The following SLC22A16 variants were observed in gnomAD, a reference collection of about 807,000 sequenced individuals.
SLC22A16 encodes WUGSC:RG331P03.1.
In SLC22A16, 53 loss-of-function variants were observed where a neutral mutation model predicts 52.9. That is an observed-to-expected ratio of 1.00 (90% CI 0.80 to 1.26). The LOEUF (loss-of-function observed/expected upper bound fraction) is 1.26, where lower values mean the gene tolerates loss of function less well. Among genes scored for constraint, SLC22A16 ranks in the 50% most tolerant of loss-of-function variants. SLC22A16 has a pLI of 0.00. For missense variants in SLC22A16, 726 were observed against 704.0 expected, an observed-to-expected ratio of 1.03 and a Z score of -0.35; for synonymous variants, 291 against 268.8, an observed-to-expected ratio of 1.08 and a Z score of -0.81.
At position 110,476,223 on chromosome 6, in the gene SLC22A16, T is replaced by TGG. The variant is rs1450629028; in HGVS notation, c.53+298_53+299insCC. 6.8e-5 allele frequency: 49 copies of TGG among 721,860 alleles called. 3 individuals carry two copies. The highest frequency in any genetic ancestry group is 4.7e-4 in the Middle Eastern group (1 of 2,108). 44.7% of individuals were successfully genotyped at this position (721,860 alleles called of 1,614,324 possible). A position where few individuals can be genotyped will look rare whatever the true frequency, so the allele number is the denominator to read the frequency against. On this transcript the variant is annotated intron_variant, in intron 1 of 7. Coordinates refer to ENST00000368919, the MANE Select transcript of SLC22A16 (RefSeq NM_033125.4). Reference sequence around the variant, plus strand: ...CCCTCGAGCCAGATCTCCAGCCAGATGCCTCCAGCATCTGCTGCCGCGGAG... The same window carrying TGG: ...CCCTCGAGCCAGATCTCCAGCCAGATGGGCCTCCAGCATCTGCTGCCGCGGAG...
At chr6:110,476,447 A>G (rs954548566) in intron 1 of SLC22A16, 75 bp downstream of exon 1, 2 of 1,425,380 alleles carry the variant, frequency 1.4e-6, no homozygotes, top group Non-Finnish European at 1.8e-6. Context: ...CCGCGCGAGA[A>G]CCCCGCCGCA....
chr6:110,429,147 AAAT>A (rs1318317913), intron 7 of SLC22A16, among the ~76,000 whole-genome samples: 2 of 152,060 alleles, frequency 1.3e-5, no homozygotes, highest in Non-Finnish European at 1.5e-5. Context: ...TTTTGAAAAA[AAAT>A]AATAAGGAAA....
At chr6:110,446,752 G>T in intron 3 of SLC22A16, 121 bp downstream of exon 3, 1 of 818,026 alleles carries the variant, frequency 1.2e-6, no homozygotes, top group South Asian at 1.7e-5. Flanking sequence ...CTTCTGCAGT[G>T]GAGTGGACAA....
Position 110,442,707 on chromosome 6 carries a change from T to C in SLC22A16, c.720A>G (p.Thr240=), listed in dbSNP as rs149847564. ...VMEFIGMKSR[T]WASVHLHSFF... is the part of the protein sequence containing the mutation. ...AGGAATGCAAATGGACAGACGCCCA[T>C]GTCCGAGACTTCATGCCAATGAATT... Residue 240 remains threonine (T), a synonymous_variant, in exon 4 of 8, where the codon ACA becomes ACG. Coordinates refer to ENST00000368919, the MANE Select transcript of SLC22A16 (RefSeq NM_033125.4). 63 of 1,614,124 alleles carry C rather than the reference T, an allele frequency of 3.9e-5. No individual in the cohort carries two copies. In the East Asian group the frequency reaches 9.6e-4, roughly 25 times the overall value.
intron 2 of SLC22A16, among the ~76,000 whole-genome samples, chr6:110,454,330 G>A (rs138641443): frequency 3.3e-5 from 5 of 151,658 alleles, no homozygotes; most frequent in Admixed American, 6.6e-5. Flanking sequence ...AAATTCCGCC[G>A]AGAGAATACA....
chr6:110,438,934 A>T lies in SLC22A16; in HGVS notation c.1184-87T>A, dbSNP rs145617529. The T allele has an allele frequency of 5.9e-5, 90 of 1,536,008 alleles. No homozygotes were observed. The East Asian group carries it at 2.0e-3, about 34-fold the overall frequency. On this transcript the variant is annotated intron_variant, in intron 4 of 7. Transcript: ENST00000368919. Reference sequence around the variant, plus strand: ...TCTTCTAACCCACTACCCAAAAGGCATGAGCAGCCCTCTCCTCACTTCTGG... The same window carrying T: ...TCTTCTAACCCACTACCCAAAAGGCTTGAGCAGCCCTCTCCTCACTTCTGG...
chr6:110,450,477 C>A (rs1395686164), intron 2 of SLC22A16, among the ~76,000 whole-genome samples: 2 of 151,778 alleles, frequency 1.3e-5, no homozygotes, highest in Non-Finnish European at 2.9e-5. Context: ...CCAGGCATGG[C>A]GGCACATGCC....
At chr6:110,457,106 C>A in intron 1 of SLC22A16, 89 bp from the exon 2 acceptor site, 2 of 1,267,396 alleles carry the variant, frequency 1.6e-6, no homozygotes, top group Non-Finnish European at 1.1e-6. Context: ...TCATGTTTAT[C>A]TTAACATATA....
chr6:110,446,065 A>G (rs1376585784), intron 3 of SLC22A16, among the ~76,000 whole-genome samples: 2 of 151,144 alleles, frequency 1.3e-5, no homozygotes, highest in Non-Finnish European at 2.9e-5. Flanking sequence ...GTGCAGAGAG[A>G]TTGAAGCCCT....
At chr6:110,467,293 A>T in intron 1 of SLC22A16, among the ~76,000 whole-genome samples, 1 of 149,700 alleles carries the variant, frequency 6.7e-6, no homozygotes, top group African/African-American at 2.5e-5. Flanking sequence ...TCCCATTCTC[A>T]CTCATTTATG....
At position 110,456,940 on chromosome 6, in the gene SLC22A16, A is replaced by G. The variant is rs1246863523; in HGVS notation, c.131T>C (p.Met44Thr). Residue 44 changes from methionine to threonine, a missense_variant, in exon 2 of 8, where the codon ATG (methionine) becomes ACG (threonine). Coordinates refer to ENST00000368919, the MANE Select transcript of SLC22A16 (RefSeq NM_033125.4). ...GCAGACATGATGAGGGGTGACTCCC[A>G]TGAACACAGAAGCCAAGTAGTGAAT... Reference protein sequence around the residue: ...CGIHYLASVFMGVTPHHVCRP... With the variant: ...CGIHYLASVFTGVTPHHVCRP... The G allele has an allele frequency of 6.2e-7, 1 of 1,609,374 alleles. No individual in the cohort carries two copies. Among genetic ancestry groups the G allele is most frequent in the Admixed American group, 1.7e-5 (1 of 59,380 alleles).
At chr6:110,462,750 T>C (rs1775930270) in intron 1 of SLC22A16, among the ~76,000 whole-genome samples, 1 of 152,064 alleles carries the variant, frequency 6.6e-6, no homozygotes, top group African/African-American at 2.4e-5. Context: ...GAGGTAGACA[T>C]TCAGATGCAA....
rs1776497267 is a variant in SLC22A16 at position 110,476,556 on chromosome 6, C to G, written c.19G>C (p.Glu7Gln). The change falls in exon 1 of 8, where the codon GAG (glutamate) becomes CAG (glutamine). Residue 7 changes from glutamate to glutamine, a missense_variant. By Grantham distance (29) the Glu-to-Gln change is conservative (BLOSUM62 2). Transcript: ENST00000368919. ...TGCCCCACGTGGTCATAAATCCCCT[C>G]GAAGTGGCGGGACCCCATGGTGCGG... is the stretch of plus-strand genomic sequence containing the variant. The part of the protein sequence containing the change: MGSRHF[E>Q]GIYDHVGHFG... The G allele has an allele frequency of 6.5e-7, 1 of 1,538,512 alleles. No individual in the cohort carries two copies. Among genetic ancestry groups the G allele is most frequent in the East Asian group, 2.7e-5 (1 of 37,452 alleles).
chr6:110,435,924 C>T lies in SLC22A16; in HGVS notation c.1349G>A (p.Gly450Glu). The T allele has an allele frequency of 6.2e-7, 1 of 1,613,954 alleles. No individual in the cohort carries two copies. The highest frequency in any genetic ancestry group is 8.5e-7 in the Non-Finnish European group (1 of 1,179,936). Residue 450 changes from glycine (G) to glutamate (E), a missense_variant, in exon 6 of 8, where the codon GGA (glycine) becomes GAA (glutamate). Gly to Glu is a moderately conservative substitution (Grantham distance 98, BLOSUM62 -2). Transcript: ENST00000368919. ...AAATGCTGCCCCGATGGCAAATTTT[C>T]CAACCATAGCTGTCACCACACCCAA... ...YILGVVTAMV[G>E]KFAIGAAFGL...
At chr6:110,451,777 T>C (rs569615686) in intron 2 of SLC22A16, among the ~76,000 whole-genome samples, 1 of 152,208 alleles carries the variant, frequency 6.6e-6, no homozygotes, top group Non-Finnish European at 1.5e-5. Flanking sequence ...TGAAGTCAAA[T>C]TTATCCATTT....
intron 5 of SLC22A16, among the ~76,000 whole-genome samples, chr6:110,437,441 C>A (rs574120596): frequency 7.2e-5 from 11 of 152,246 alleles, no homozygotes; most frequent in African/African-American, 2.4e-4. Flanking sequence ...TTGGCAGAGA[C>A]CTCCTTGTCC....
At chr6:110,434,698 G>T in intron 6 of SLC22A16, among the ~76,000 whole-genome samples, 1 of 152,144 alleles carries the variant, frequency 6.6e-6, no homozygotes, top group Non-Finnish European at 1.5e-5. Context: ...CCCGAGTCTC[G>T]GCTAGGCGTG....
intron 1 of SLC22A16, among the ~76,000 whole-genome samples, chr6:110,469,471 C>A (rs1009804276): frequency 3.9e-5 from 6 of 152,200 alleles, no homozygotes; most frequent in Non-Finnish European, 7.3e-5. Flanking sequence ...ATAGCTGGAA[C>A]CTGGAAGCAT....
At chr6:110,470,499 G>T (rs1049974092) in intron 1 of SLC22A16, among the ~76,000 whole-genome samples, 1 of 151,922 alleles carries the variant, frequency 6.6e-6, no homozygotes, top group Non-Finnish European at 1.5e-5. Flanking sequence ...CCTTCCCACT[G>T]ACCCCATTTC....
Sources: gnomAD v4.1 joint callset for allele counts (sites outside exome capture counted in the v4.1 genomes callset) on GRCh38, gnomAD v4.1.1 for gene constraint, MANE v1.5 for transcripts, NCBI Gene and HGNC (gene_info 2026-07-23, HGNC 2026-07-21) for gene names.